The following TMEM108 variants were observed in gnomAD, a reference collection of about 807,000 sequenced individuals.
TMEM108 encodes cancer/testis antigen 124.
A neutral mutation model predicts 35.1 loss-of-function variants in TMEM108; 12 were observed. The observed-to-expected ratio is 0.34, with a 90% CI of 0.22 to 0.55. TMEM108 has a LOEUF of 0.55. TMEM108 is among the 20% of genes least tolerant of loss of function. The pLI is 0.89. For missense variants in TMEM108, 680 were observed against 753.3 expected (o/e 0.90, Z 1.14); for synonymous variants, 287 against 308.6 (o/e 0.93, Z 0.73).
intron 3 of TMEM108, among the ~76,000 whole-genome samples, chr3:133,275,800 A>T (rs1946830883): frequency 6.6e-6 from 1 of 152,202 alleles, no homozygotes; most frequent in Non-Finnish European, 1.5e-5. Context: ...ATTGCTGCCA[A>T]GTGAGTAACA....
intron 3 of TMEM108, among the ~76,000 whole-genome samples, chr3:133,301,804 T>A (rs1947229100): frequency 6.6e-6 from 1 of 152,142 alleles, no homozygotes; most frequent in Non-Finnish European, 1.5e-5. Flanking sequence ...AAACACTCAA[T>A]GTTGGGTAGA....
rs58203484 is a variant in TMEM108 at position 133,179,615 on chromosome 3, A to T, written c.-46-49651A>T. Among the ~76,000 whole-genome samples, 1,090 of 150,292 alleles carry T rather than the reference A, an allele frequency of 7.3e-3. 15 individuals carry two copies. The highest frequency in any genetic ancestry group is 0.025 in the African/African-American group (1,037 of 41,146). The stretch of plus-strand genomic sequence containing the variant: ...GGTGGGAATTGAACAATGAGAACAC[A>T]TGGACACAGGAAGGGGAACATCACA... On this transcript the variant is annotated intron_variant, in intron 2 of 5. Coordinates refer to ENST00000321871, the MANE Select transcript of TMEM108 (RefSeq NM_023943.4).
intron 3 of TMEM108, among the ~76,000 whole-genome samples, chr3:133,343,236 G>T (rs889865063): frequency 2.0e-5 from 3 of 151,872 alleles, no homozygotes; most frequent in Non-Finnish European, 4.4e-5. Context: ...TGAGAATGTG[G>T]AGCAACAGGA....
At chr3:133,190,116 A>G (rs1221383571) in intron 2 of TMEM108, among the ~76,000 whole-genome samples, 4 of 152,114 alleles carry the variant, frequency 2.6e-5, no homozygotes. Context: ...TCTCATCACC[A>G]TGGCAACAGA....
chr3:133,227,761 G>A (rs916787489), intron 2 of TMEM108, among the ~76,000 whole-genome samples: 1 of 151,830 alleles, frequency 6.6e-6, no homozygotes, highest in Admixed American at 6.5e-5. Flanking sequence ...TGGATGTGGT[G>A]GTGTGTGCCT....
chr3:133,175,396 G>A (rs1945202879), intron 2 of TMEM108, among the ~76,000 whole-genome samples: 1 of 152,110 alleles, frequency 6.6e-6, no homozygotes, highest in Non-Finnish European at 1.5e-5. Context: ...TGAAATGAGG[G>A]AAAAAATGTT....
intron 2 of TMEM108, among the ~76,000 whole-genome samples, chr3:133,152,330 T>C (rs552470746): frequency 2.4e-4 from 36 of 152,196 alleles, no homozygotes; most frequent in Non-Finnish European, 4.6e-4. Flanking sequence ...GTTTCTTTGT[T>C]TGCTAGTGTA....
At chr3:133,281,695 C>T (rs1559891343) in intron 3 of TMEM108, among the ~76,000 whole-genome samples, 1 of 152,214 alleles carries the variant, frequency 6.6e-6, no homozygotes, top group Non-Finnish European at 1.5e-5. Flanking sequence ...CTGGTCTTGC[C>T]TCTGCTGCTA....
intron 3 of TMEM108, among the ~76,000 whole-genome samples, chr3:133,353,678 T>C (rs2072074525): frequency 6.6e-6 from 1 of 152,174 alleles, no homozygotes; most frequent in Middle Eastern, 3.2e-3. Flanking sequence ...GATTTGAGAT[T>C]TTAGTTGGGG....
At chr3:133,102,893 A>C (rs1944105749) in intron 2 of TMEM108, among the ~76,000 whole-genome samples, 1 of 152,132 alleles carries the variant, frequency 6.6e-6, no homozygotes, top group Non-Finnish European at 1.5e-5. Flanking sequence ...ATGAGATACC[A>C]TCTCATACCA....
intron 1 of TMEM108, among the ~76,000 whole-genome samples, chr3:133,043,490 A>T (rs1236643538): frequency 5.3e-5 from 8 of 152,214 alleles, no homozygotes; most frequent in African/African-American, 1.9e-4. Flanking sequence ...TAAATTAATA[A>T]TGTATATGCG....
At chr3:133,090,577 A>T (rs955801846) in intron 2 of TMEM108, among the ~76,000 whole-genome samples, 3 of 152,342 alleles carry the variant, frequency 2.0e-5, no homozygotes, top group Non-Finnish European at 4.4e-5. Flanking sequence ...TTGCCAAGTA[A>T]AGCTTGAGAA....
At chr3:133,182,503 A>T (rs1945362016) in intron 2 of TMEM108, among the ~76,000 whole-genome samples, 1 of 152,214 alleles carries the variant, frequency 6.6e-6, no homozygotes, top group African/African-American at 2.4e-5. Flanking sequence ...TCATTAGGTG[A>T]TAGTATACTG....
rs374756593 is a variant in TMEM108, at chr3:133,188,940, A to C, written c.-46-40326A>C. Among the ~76,000 whole-genome samples, 48 of 152,240 alleles carry C rather than the reference A, an allele frequency of 3.2e-4. No individual in the cohort carries two copies. In the South Asian group the frequency reaches 8.7e-3, roughly 28 times the overall value. On this transcript the variant is annotated intron_variant, in intron 2 of 5. Transcript: ENST00000321871. ...GCTGAGTTCAGTGTCTACCTGAAGGAAAGTGAGAAAGCTAGTGGATGGCGC... is the reference window on the plus strand; with the variant it reads ...GCTGAGTTCAGTGTCTACCTGAAGGCAAGTGAGAAAGCTAGTGGATGGCGC...
intron 3 of TMEM108, among the ~76,000 whole-genome samples, chr3:133,251,179 A>G (rs975309279): frequency 6.6e-6 from 1 of 152,136 alleles, no homozygotes; most frequent in Non-Finnish European, 1.5e-5. Flanking sequence ...TTATTCAACA[A>G]ATATTTCAAT....
At chr3:133,286,993 T>A (rs1220010942) in intron 3 of TMEM108, among the ~76,000 whole-genome samples, 3 of 152,196 alleles carry the variant, frequency 2.0e-5, no homozygotes, top group Non-Finnish European at 4.4e-5. Flanking sequence ...CACATTTGAG[T>A]ATTCTCTATT....
At chr3:133,339,883 T>C (rs1335892519) in intron 3 of TMEM108, among the ~76,000 whole-genome samples, 1 of 151,822 alleles carries the variant, frequency 6.6e-6, no homozygotes, top group African/African-American at 2.4e-5. Context: ...AGAAGGAAAT[T>C]GAAAATTTTC....
At chr3:133,168,461 A>G (rs993062983) in intron 2 of TMEM108, among the ~76,000 whole-genome samples, 1 of 152,116 alleles carries the variant, frequency 6.6e-6, no homozygotes, top group Non-Finnish European at 1.5e-5. Context: ...TTAGGAACCT[A>G]CTGAGAGGTG....
At chr3:133,223,074 A>G (rs953736939) in intron 2 of TMEM108, among the ~76,000 whole-genome samples, 2 of 152,168 alleles carry the variant, frequency 1.3e-5, no homozygotes, top group African/African-American at 4.8e-5. Flanking sequence ...TAGGCAGTTT[A>G]TAAGTCTCTG....
Sources: gnomAD v4.1 joint callset for allele counts (sites outside exome capture counted in the v4.1 genomes callset) on GRCh38, gnomAD v4.1.1 for gene constraint, MANE v1.5 for transcripts, NCBI Gene and HGNC (gene_info 2026-07-23, HGNC 2026-07-21) for gene names.